Variants in RAP1GDS1 observed in about 807,000 individuals in gnomAD.
RAP1GDS1 encodes the protein RAP1, GTP-GDP dissociation stimulator 1.
Under a neutral mutation model 71.1 loss-of-function variants are expected in RAP1GDS1, and 35 were observed. That is an observed-to-expected ratio of 0.49 (90% CI 0.38 to 0.65). RAP1GDS1 has a LOEUF of 0.65. Ranked by LOEUF, RAP1GDS1 falls within the 30% of genes least tolerant of loss-of-function variation. The pLI is 0.00. For synonymous variants in RAP1GDS1, 229 were observed against 243.1 expected, an observed-to-expected ratio of 0.94 and a Z score of 0.54; for missense variants, 663 against 706.1, an observed-to-expected ratio of 0.94 and a Z score of 0.69.
intron 1 of RAP1GDS1, among the ~76,000 whole-genome samples, chr4:98,280,076 C>T (rs1724832956): frequency 6.6e-6 from 1 of 152,184 alleles, no homozygotes; most frequent in Non-Finnish European, 1.5e-5. Context: ...CATACATGTG[C>T]ATGTGTCTTT....
chr4:98,371,213 A>C (rs183403272), intron 4 of RAP1GDS1, among the ~76,000 whole-genome samples: 1 of 151,474 alleles, frequency 6.6e-6, no homozygotes, highest in Admixed American at 6.6e-5. Flanking sequence ...CCCGGGTTCA[A>C]GTGATTCTCC....
chr4:98,273,380 A>AG (rs1269143483), intron 1 of RAP1GDS1, among the ~76,000 whole-genome samples: 1 of 152,198 alleles, frequency 6.6e-6, no homozygotes, highest in African/African-American at 2.4e-5. Flanking sequence ...CTAATAGAAA[A>AG]GGGAAAAATA....
intron 2 of RAP1GDS1, among the ~76,000 whole-genome samples, chr4:98,330,442 A>G (rs1438810347): frequency 6.7e-6 from 1 of 150,186 alleles, no homozygotes; most frequent in Non-Finnish European, 1.5e-5. Context: ...GCGGCCGGGC[A>G]GAGGCACTCC....
At chr4:98,261,852 C>G (rs1342699667) in intron 1 of RAP1GDS1, among the ~76,000 whole-genome samples, 1 of 152,116 alleles carries the variant, frequency 6.6e-6, no homozygotes, top group Non-Finnish European at 1.5e-5. Flanking sequence ...ATTCTTCCTG[C>G]CGGTGCCCGG....
intron 7 of RAP1GDS1, among the ~76,000 whole-genome samples, chr4:98,416,248 T>C (rs1747964685): frequency 6.6e-6 from 1 of 152,080 alleles, no homozygotes; most frequent in Admixed American, 6.6e-5. Context: ...ATAAAGCTTT[T>C]TTGTATATTT....
chr4:98,270,380 C>T (rs572480184), intron 1 of RAP1GDS1, among the ~76,000 whole-genome samples: 10 of 152,092 alleles, frequency 6.6e-5, no homozygotes, highest in African/African-American at 2.4e-4. Flanking sequence ...TAAATATAAC[C>T]TCTATATAAC....
At chr4:98,438,218 TA>T (rs1166136426) in intron 14 of RAP1GDS1, among the ~76,000 whole-genome samples, 4 of 152,036 alleles carry the variant, frequency 2.6e-5, no homozygotes, top group African/African-American at 9.7e-5. Flanking sequence ...TATCTGACTT[TA>T]ACATAGCTAC....
intron 12 of RAP1GDS1, among the ~76,000 whole-genome samples, chr4:98,423,518 T>G (rs564814983): frequency 6.6e-6 from 1 of 152,204 alleles, no homozygotes; most frequent in South Asian, 2.1e-4. Flanking sequence ...AGGGTTTTTT[T>G]GTTTTCTTTA....
intron 2 of RAP1GDS1, among the ~76,000 whole-genome samples, chr4:98,316,575 T>C (rs1315107092): frequency 1.3e-5 from 2 of 152,098 alleles, no homozygotes; most frequent in Non-Finnish European, 2.9e-5. Flanking sequence ...TCCAGTGTAC[T>C]GGAGGGTTGT....
chr4:98,436,486 T>C (rs913782258), intron 13 of RAP1GDS1, among the ~76,000 whole-genome samples: 1 of 152,186 alleles, frequency 6.6e-6, no homozygotes, highest in Non-Finnish European at 1.5e-5. Flanking sequence ...AGGATTTTGA[T>C]TGAAATTCCA....
At chr4:98,439,546 A>G (rs2110230241) in intron 14 of RAP1GDS1, among the ~76,000 whole-genome samples, 1 of 152,262 alleles carries the variant, frequency 6.6e-6, no homozygotes, top group South Asian at 2.1e-4. Flanking sequence ...TGTTGACACT[A>G]ATGTGAGATC....
chr4:98,349,315 C>T (rs60266816), intron 3 of RAP1GDS1, among the ~76,000 whole-genome samples: 1,898 of 152,168 alleles, frequency 0.012, 43 homozygotes, highest in African/African-American at 0.044. Flanking sequence ...TGTTCTGTTC[C>T]ATTGGTCTAG....
At chr4:98,399,191 C>T (rs1266105455) in intron 6 of RAP1GDS1, among the ~76,000 whole-genome samples, 1 of 152,046 alleles carries the variant, frequency 6.6e-6, no homozygotes, top group Non-Finnish European at 1.5e-5. Flanking sequence ...GACGTCAGAA[C>T]ACAGGCAACG....
intron 1 of RAP1GDS1, among the ~76,000 whole-genome samples, chr4:98,269,434 C>A (rs184809550): frequency 2.6e-5 from 4 of 152,140 alleles, no homozygotes; most frequent in Admixed American, 2.6e-4. Context: ...TTGTTTATGG[C>A]ACCAAAAGCA....
rs778059814 is a variant in RAP1GDS1 at position 98,420,072 on chromosome 4, T to A, written c.1228T>A (p.Phe410Ile). 3.1e-6 allele frequency: 5 copies of A among 1,607,934 alleles called. No homozygotes were observed. The highest frequency in any genetic ancestry group is 4.2e-6 in the Non-Finnish European group (5 of 1,176,764). ...TGGGGTCACAGAGGCAGTTTTGAAA[T>A]TTCTTAAATCTGAAATGCCTCCTGT... ...SAGVTEAVLK[F>I]LKSEMPPVQF... Residue 410 changes from phenylalanine to isoleucine, a missense_variant, in exon 11 of 15, where the codon TTT becomes ATT. Transcript: ENST00000408927.
chr4:98,438,280 A>G (rs1189058223), intron 14 of RAP1GDS1, among the ~76,000 whole-genome samples: 1 of 151,640 alleles, frequency 6.6e-6, no homozygotes, highest in East Asian at 1.9e-4. Context: ...ATGTGCCACT[A>G]CAAGAAGCCA....
intron 4 of RAP1GDS1, among the ~76,000 whole-genome samples, chr4:98,362,835 A>C (rs1437739870): frequency 1.3e-5 from 2 of 152,136 alleles, no homozygotes; most frequent in Non-Finnish European, 1.5e-5. Context: ...GGAAATTCTC[A>C]CTCTATGTCT....
At chr4:98,287,480 G>C (rs763392137) in intron 1 of RAP1GDS1, among the ~76,000 whole-genome samples, 1 of 152,128 alleles carries the variant, frequency 6.6e-6, no homozygotes, top group South Asian at 2.1e-4. Context: ...GGATAGATGT[G>C]TGTGTAAGTG....
chr4:98,423,278 A>C (rs1749139252), intron 12 of RAP1GDS1, among the ~76,000 whole-genome samples: 1 of 152,200 alleles, frequency 6.6e-6, no homozygotes, highest in Admixed American at 6.5e-5. Context: ...TTTTCAGGCA[A>C]AGACAGCAGG....
Sources: gnomAD v4.1 joint callset for allele counts (sites outside exome capture counted in the v4.1 genomes callset) on GRCh38, gnomAD v4.1.1 for gene constraint, MANE v1.5 for transcripts, NCBI Gene and HGNC (gene_info 2026-07-23, HGNC 2026-07-21) for gene names.